Variants in CNTN4 observed in about 807,000 individuals in gnomAD.
CNTN4 encodes the protein contactin-4.
A neutral mutation model predicts 122.5 loss-of-function variants in CNTN4; 77 were observed. The observed-to-expected ratio is 0.63, with a 90% confidence interval of 0.52 to 0.76. CNTN4 has a LOEUF of 0.76. Among genes scored for constraint, CNTN4 ranks in the 30% least tolerant of loss-of-function variants. CNTN4 has a pLI of 0.00. For synonymous variants in CNTN4, 512 were observed against 447.0 expected (o/e 1.15, Z -1.83); for missense variants, 1,256 against 1,259.1 (o/e 1.00, Z 0.04).
At chr3:2,816,823 A>C (rs1317674516) in intron 6 of CNTN4, among the ~76,000 whole-genome samples, 1 of 106,260 alleles carries the variant, frequency 9.4e-6, no homozygotes, top group Non-Finnish European at 2.0e-5. Context: ...CTGTCTCCAA[A>C]AAAAAAAAAA....
chr3:2,424,728 T>C (rs1195597835), intron 3 of CNTN4, among the ~76,000 whole-genome samples: 1 of 152,146 alleles, frequency 6.6e-6, no homozygotes. Context: ...CCAGTACCTG[T>C]TGTTTCCTGA....
At chr3:2,278,397 AC>A in intron 2 of CNTN4, among the ~76,000 whole-genome samples, 1 of 152,298 alleles carries the variant, frequency 6.6e-6, no homozygotes, top group South Asian at 2.1e-4. Flanking sequence ...AGGAAAGTAA[AC>A]TGACCTTTAC....
intron 7 of CNTN4, among the ~76,000 whole-genome samples, chr3:2,845,407 T>C (rs1038349530): frequency 6.6e-6 from 1 of 151,954 alleles, no homozygotes; most frequent in African/African-American, 2.4e-5. Context: ...AAATAATAAA[T>C]TTAATTGCCT....
At chr3:2,306,357 G>A (rs1380184517) in intron 2 of CNTN4, among the ~76,000 whole-genome samples, 1 of 152,090 alleles carries the variant, frequency 6.6e-6, no homozygotes, top group African/African-American at 2.4e-5. Context: ...AATGGAAAGT[G>A]TTTCTCATTG....
At chr3:2,816,250 A>C (rs2092725958) in intron 6 of CNTN4, among the ~76,000 whole-genome samples, 1 of 148,358 alleles carries the variant, frequency 6.7e-6, no homozygotes, top group Non-Finnish European at 1.5e-5. Flanking sequence ...GCTACTCGGG[A>C]GGCTGAGGCA....
intron 4 of CNTN4, among the ~76,000 whole-genome samples, chr3:2,638,170 A>C (rs1254162324): frequency 2.0e-5 from 3 of 152,164 alleles, no homozygotes; most frequent in African/African-American, 7.2e-5. Flanking sequence ...TTTTCCATTA[A>C]CTTCTACCTT....
In CNTN4 at chr3:2,142,105, C is replaced by T. The variant is rs1451797921; in HGVS notation, c.-145+41466C>T. Among the ~76,000 whole-genome samples the T allele has an allele frequency of 3.9e-5, 6 of 152,288 alleles. No individual in the cohort carries two copies. The South Asian group carries it at 6.2e-4, about 16-fold the overall frequency. The stretch of plus-strand genomic sequence containing the variant: ...TGTCCACATGTAAATGTGATGGACA[C>T]TGCTTTGGTTTAGCATGGGGCTATT... On this transcript the variant is annotated intron_variant, in intron 2 of 24. Transcript: ENST00000418658.
intron 14 of CNTN4, among the ~76,000 whole-genome samples, chr3:2,998,183 T>G (rs1481312420): frequency 2.0e-5 from 3 of 152,138 alleles, no homozygotes; most frequent in African/African-American, 7.2e-5. Flanking sequence ...TACCAACACT[T>G]CAACTTCTTC....
At chr3:2,201,150 A>G (rs939996479) in intron 2 of CNTN4, among the ~76,000 whole-genome samples, 4 of 152,104 alleles carry the variant, frequency 2.6e-5, no homozygotes, top group African/African-American at 9.7e-5. Flanking sequence ...TACACTCTAC[A>G]CTAAGCTCTT....
In CNTN4 at chr3:2,664,499, A is replaced by G. The variant is rs17018261; in HGVS notation, c.56-71716A>G. ...AAGTTGGAGAAGTTTTATATAGTAAATTTCTTTCAATATCAAAATTATCTT... is the reference window on the plus strand; with the variant it reads ...AAGTTGGAGAAGTTTTATATAGTAAGTTTCTTTCAATATCAAAATTATCTT... On this transcript the variant is annotated intron_variant, in intron 4 of 24. Transcript: ENST00000418658. 5.2e-4 allele frequency among the ~76,000 whole-genome samples: 79 copies of G among 152,194 alleles called. No individual in the cohort carries two copies. In the South Asian group the frequency reaches 8.3e-3, roughly 16 times the overall value.
chr3:2,987,093 C>T (rs752809970), intron 13 of CNTN4, among the ~76,000 whole-genome samples: 4 of 152,098 alleles, frequency 2.6e-5, no homozygotes, highest in Non-Finnish European at 2.9e-5. Context: ...ACAGCTATGT[C>T]CAGATACAGG....
At chr3:2,466,601 A>C (rs528829694) in intron 3 of CNTN4, among the ~76,000 whole-genome samples, 1 of 152,262 alleles carries the variant, frequency 6.6e-6, no homozygotes, top group African/African-American at 2.4e-5. Flanking sequence ...TCTTGTTGCT[A>C]TGGTATCCCT....
intron 3 of CNTN4, among the ~76,000 whole-genome samples, chr3:2,502,490 A>C (rs778581262): frequency 6.6e-6 from 1 of 152,122 alleles, no homozygotes; most frequent in Non-Finnish European, 1.5e-5. Flanking sequence ...GTAGCCTGAC[A>C]CTAGAGCCAG....
intron 3 of CNTN4, among the ~76,000 whole-genome samples, chr3:2,564,457 T>C (rs1194363808): frequency 1.3e-5 from 2 of 152,164 alleles, no homozygotes; most frequent in Non-Finnish European, 2.9e-5. Flanking sequence ...AAGCCTCAAA[T>C]GGCTCTAGGG....
intron 10 of CNTN4, among the ~76,000 whole-genome samples, chr3:2,896,875 CA>C (rs1367862044): frequency 2.0e-5 from 3 of 150,792 alleles, no homozygotes; most frequent in Non-Finnish European, 4.4e-5. Context: ...ATTGTGTCCG[CA>C]ACCAGAAATA....
intron 4 of CNTN4, among the ~76,000 whole-genome samples, chr3:2,634,688 ATATAT>A (rs2082585188): frequency 3.4e-5 from 3 of 89,540 alleles, no homozygotes. Flanking sequence ...AAAAAAAAAA[ATATAT>A]ATATATATAT....
chr3:2,477,084 A>C (rs1323584090), intron 3 of CNTN4, among the ~76,000 whole-genome samples: 2 of 152,210 alleles, frequency 1.3e-5, no homozygotes, highest in Non-Finnish European at 2.9e-5. Flanking sequence ...GTTGAAGCCC[A>C]TAAGATGAAA....
At chr3:3,043,259 A>C in intron 22 of CNTN4, 96 bp downstream of exon 22, 1 of 1,169,994 alleles carries the variant, frequency 8.5e-7, no homozygotes, top group Non-Finnish European at 1.3e-6. Context: ...TTTGCATACT[A>C]ATTAGTAGCA....
intron 3 of CNTN4, among the ~76,000 whole-genome samples, chr3:2,490,085 A>T (rs2076272897): frequency 6.6e-6 from 1 of 152,154 alleles, no homozygotes; most frequent in African/African-American, 2.4e-5. Context: ...GAAAGGAAAA[A>T]AAAAAAAACC....
Sources: allele counts gnomAD v4.1 joint callset (sites outside exome capture counted in the v4.1 genomes callset), GRCh38; gene constraint gnomAD v4.1.1; transcripts MANE v1.5; gene names NCBI Gene and HGNC (gene_info 2026-07-23, HGNC 2026-07-21).